TNFSF4: variants seen among roughly 807,000 people sequenced by gnomAD.
The protein encoded by TNFSF4 is TNF superfamily member 4, also known as tumor necrosis factor ligand superfamily member 4.
TNFSF4 carries 4 observed loss-of-function variants against 7.3 expected under a neutral mutation model. That is an observed-to-expected ratio of 0.55 (90% CI 0.27 to 1.25). TNFSF4 has a LOEUF of 1.25. TNFSF4 is among the 50% of genes most tolerant of loss of function. The pLI is 0.12. For synonymous variants in TNFSF4, 76 were observed against 83.7 expected (o/e 0.91, Z 0.50); for missense variants, 181 against 208.8 (o/e 0.87, Z 0.82).
chr1:173,387,146 T>A, the TNFSF4 span, among the ~76,000 whole-genome samples: 2 of 152,178 alleles, frequency 1.3e-5, no homozygotes, highest in African/African-American at 4.8e-5. Context: ...ATGAAGGTAT[T>A]TTGTATGTGA....
At chr1:173,336,215 G>C in the TNFSF4 span, among the ~76,000 whole-genome samples, 1 of 152,168 alleles carries the variant, frequency 6.6e-6, no homozygotes, top group Non-Finnish European at 1.5e-5. Flanking sequence ...AGCAATACTG[G>C]ATTCCTGAAG....
chr1:173,272,594 A>G, the TNFSF4 span, among the ~76,000 whole-genome samples: 3 of 152,136 alleles, frequency 2.0e-5, no homozygotes, highest in South Asian at 6.2e-4. Flanking sequence ...TCTCTAGTGA[A>G]GCTTTCCTGT....
chr1:173,203,826 G>C (rs75414999), intron 1 of TNFSF4, among the ~76,000 whole-genome samples: 87 of 152,290 alleles, frequency 5.7e-4, no homozygotes, highest in East Asian at 2.5e-3. Context: ...TTTCAGTGAG[G>C]TTTCTCACAC....
At chr1:173,265,415 C>T in the TNFSF4 span, among the ~76,000 whole-genome samples, 10 of 152,188 alleles carry the variant, frequency 6.6e-5, no homozygotes, top group East Asian at 5.8e-4. Flanking sequence ...GCTGGTCCAG[C>T]GGGAAGGAAA....
the TNFSF4 span, among the ~76,000 whole-genome samples, chr1:173,381,060 T>C: frequency 1.3e-5 from 2 of 152,106 alleles, no homozygotes; most frequent in African/African-American, 2.4e-5. Flanking sequence ...CCCCTACTTA[T>C]AGGGTTAGGA....
the TNFSF4 span, among the ~76,000 whole-genome samples, chr1:173,390,462 A>G: frequency 5.3e-5 from 8 of 152,170 alleles, no homozygotes; most frequent in African/African-American, 1.9e-4. Context: ...CTATGCATTG[A>G]AAAGAATACT....
the TNFSF4 span, among the ~76,000 whole-genome samples, chr1:173,298,097 A>C: frequency 6.6e-6 from 1 of 151,906 alleles, no homozygotes; most frequent in African/African-American, 2.4e-5. Context: ...GGGAAAGATT[A>C]AAAATGAGAC....
At chr1:173,392,258 A>T in the TNFSF4 span, among the ~76,000 whole-genome samples, 1 of 152,240 alleles carries the variant, frequency 6.6e-6, no homozygotes. Context: ...TTAAGTATTA[A>T]ATGTTTTACA....
the TNFSF4 span, among the ~76,000 whole-genome samples, chr1:173,335,289 C>G: frequency 6.6e-6 from 1 of 152,086 alleles, no homozygotes; most frequent in Non-Finnish European, 1.5e-5. Flanking sequence ...TTAAGATCTA[C>G]TCACCCATAA....
At chr1:173,310,671 C>CT in the TNFSF4 span, among the ~76,000 whole-genome samples, 403 of 144,646 alleles carry the variant, frequency 2.8e-3, 2 homozygotes, top group African/African-American at 7.7e-3. Flanking sequence ...TGTACTTTTT[C>CT]TTTTTTTTTT....
At chr1:173,396,368 A>G in the TNFSF4 span, among the ~76,000 whole-genome samples, 2 of 152,204 alleles carry the variant, frequency 1.3e-5, no homozygotes, top group Admixed American at 6.5e-5. Context: ...AAAATTAGCC[A>G]GCATGATGAT....
chr1:173,329,383 G>A, the TNFSF4 span, among the ~76,000 whole-genome samples: 1 of 152,068 alleles, frequency 6.6e-6, no homozygotes, highest in South Asian at 2.1e-4. Flanking sequence ...TGATGACAAG[G>A]AAAAATAGCC....
the TNFSF4 span, among the ~76,000 whole-genome samples, chr1:173,239,957 G>C: frequency 1.7e-4 from 26 of 152,228 alleles, no homozygotes; most frequent in African/African-American, 5.1e-4. Flanking sequence ...ACTTGAACTG[G>C]GAGGTGTAGG....
chr1:173,274,738 T>C, the TNFSF4 span, among the ~76,000 whole-genome samples: 1 of 152,128 alleles, frequency 6.6e-6, no homozygotes, highest in African/African-American at 2.4e-5. Context: ...AAGAATTCAC[T>C]CTCTTGAAAG....
rs1649225622 is a variant in TNFSF4, at chr1:173,186,390, C to T, written c.*126G>A. ...GTGGGGGCGGGAGGGCCAGGATCTG[C>T]TTCTTGTCACATCCCACGTGGCTGA... On this transcript the variant is annotated 3_prime_UTR_variant, in exon 3 of 3. Transcript: ENST00000281834. 7 of 729,470 alleles carry T rather than the reference C, an allele frequency of 9.6e-6. No individual in the cohort carries two copies. Among genetic ancestry groups the T allele is most frequent in the East Asian group, 5.3e-5 (2 of 37,714 alleles). The allele number at this position is 729,470 out of a possible 1,614,324, so 45.2% of individuals were successfully genotyped here. A position where few individuals can be genotyped will look rare whatever the true frequency, so the allele number is the denominator to read the frequency against.
At chr1:173,290,972 A>G in the TNFSF4 span, among the ~76,000 whole-genome samples, 1 of 152,190 alleles carries the variant, frequency 6.6e-6, no homozygotes, top group Non-Finnish European at 1.5e-5. Flanking sequence ...CTTGCTCCTG[A>G]ATGACTTTTG....
At chr1:173,289,747 A>G in the TNFSF4 span, among the ~76,000 whole-genome samples, 2 of 152,296 alleles carry the variant, frequency 1.3e-5, no homozygotes, top group East Asian at 1.9e-4. Context: ...GAATTGAAAA[A>G]TTCAGTGAAT....
the TNFSF4 span, among the ~76,000 whole-genome samples, chr1:173,346,387 A>T: frequency 6.6e-6 from 1 of 152,158 alleles, no homozygotes. Context: ...ATCCCTCTGA[A>T]TTCTGTACCC....
the TNFSF4 span, among the ~76,000 whole-genome samples, chr1:173,292,336 A>T: frequency 1.3e-5 from 2 of 152,204 alleles, no homozygotes; most frequent in Non-Finnish European, 2.9e-5. Flanking sequence ...AACATATGCA[A>T]ATCAATAAAT....
Sources: gnomAD v4.1 joint callset for allele counts (sites outside exome capture counted in the v4.1 genomes callset) on GRCh38, gnomAD v4.1.1 for gene constraint, MANE v1.5 for transcripts, NCBI Gene and HGNC (gene_info 2026-07-23, HGNC 2026-07-21) for gene names.